SYN2: variants seen among roughly 807,000 people sequenced by gnomAD.
The protein encoded by SYN2 is synapsin II, also known as synapsin-2.
Under a neutral mutation model 50.9 loss-of-function variants are expected in SYN2, and 19 were observed. The observed-to-expected ratio is 0.37, with a 90% CI of 0.26 to 0.55. The LOEUF (loss-of-function observed/expected upper bound fraction) is 0.55, where lower values mean the gene tolerates loss of function less well. SYN2 is among the 20% of genes least tolerant of loss of function. The pLI is 0.81. For synonymous variants in SYN2, 255 were observed against 224.9 expected (o/e 1.13, Z -1.20); for missense variants, 587 against 576.4 (o/e 1.02, Z -0.19).
At chr3:12,006,684 A>G (rs771290379) in intron 1 of SYN2, among the ~76,000 whole-genome samples, 2 of 152,212 alleles carry the variant, frequency 1.3e-5, no homozygotes, top group Non-Finnish European at 2.9e-5. Flanking sequence ...ATTATTAGCA[A>G]TATTAATAAC....
In SYN2 at chr3:12,032,042, C is replaced by T. The variant is rs1245026190; in HGVS notation, c.377+27114C>T. On this transcript the variant is annotated intron_variant, in intron 1 of 12. Transcript: ENST00000621198. ...ACCGGTTGTTCCTTTCCATGTTTAG[C>T]GCTTCCTTGAGGAGCTCTTTTAGGG... Among the ~76,000 whole-genome samples the T allele has an allele frequency of 2.2e-4, 30 of 133,504 alleles. 1 individual carries two copies. The highest frequency in any genetic ancestry group is 3.3e-4 in the Admixed American group (4 of 12,184). 87.6% of individuals were successfully genotyped at this position (133,504 alleles called of 152,430 possible).
chr3:12,119,912 CT>C (rs900312805), intron 1 of SYN2, among the ~76,000 whole-genome samples: 7 of 152,256 alleles, frequency 4.6e-5, no homozygotes, highest in Admixed American at 4.6e-4. Flanking sequence ...TCAATAGCAA[CT>C]TATGGAACCA....
At chr3:12,126,300 C>A (rs1250700970) in intron 1 of SYN2, among the ~76,000 whole-genome samples, 1 of 152,184 alleles carries the variant, frequency 6.6e-6, no homozygotes, top group Non-Finnish European at 1.5e-5. Flanking sequence ...CTACTTTATC[C>A]CTGTTGCCCT....
intron 1 of SYN2, among the ~76,000 whole-genome samples, chr3:12,118,603 A>T (rs1284713197): frequency 6.6e-6 from 1 of 152,206 alleles, no homozygotes; most frequent in Non-Finnish European, 1.5e-5. Context: ...TGTCTGCCCC[A>T]GGACTGTTAA....
intron 1 of SYN2, among the ~76,000 whole-genome samples, chr3:12,098,812 A>G (rs1045310297): frequency 6.7e-6 from 1 of 149,956 alleles, no homozygotes; most frequent in Admixed American, 6.7e-5. Context: ...TACAAGAGTT[A>G]CACATTAAAG....
chr3:12,054,974 T>C (rs1017207275), intron 1 of SYN2, among the ~76,000 whole-genome samples: 1 of 152,166 alleles, frequency 6.6e-6, no homozygotes, highest in Non-Finnish European at 1.5e-5. Context: ...ATAAATTTAA[T>C]ATTGATTGGT....
At chr3:12,070,839 C>T in intron 1 of SYN2, 1 of 592,094 alleles carries the variant, frequency 1.7e-6, no homozygotes. Flanking sequence ...ACAGCTTCAA[C>T]ACCATGGCTG....
chr3:12,043,937 T>G (rs1431785056), intron 1 of SYN2, among the ~76,000 whole-genome samples: 1 of 152,184 alleles, frequency 6.6e-6, no homozygotes, highest in Admixed American at 6.5e-5. Flanking sequence ...TTGTACATAC[T>G]GCATTCTACC....
At chr3:12,099,622 C>T (rs1408867267) in intron 1 of SYN2, among the ~76,000 whole-genome samples, 1 of 151,956 alleles carries the variant, frequency 6.6e-6, no homozygotes, top group Admixed American at 6.6e-5. Context: ...AATAACCTAA[C>T]TCTCCATCTT....
intron 5 of SYN2, chr3:12,154,218 A>G (rs1697385478): frequency 9.4e-6 from 14 of 1,490,422 alleles, no homozygotes; most frequent in Middle Eastern, 1.8e-4. Flanking sequence ...CCAACTTCAT[A>G]CAGTGCAGAT....
chr3:12,129,131 A>C (rs1257087386), intron 1 of SYN2, among the ~76,000 whole-genome samples: 25 of 152,202 alleles, frequency 1.6e-4, no homozygotes, highest in Admixed American at 1.6e-3. Context: ...AGAAATAATG[A>C]ATATTATGAA....
chr3:12,151,382 C>G, intron 5 of SYN2, 56 bp downstream of exon 5: 1 of 1,408,472 alleles, frequency 7.1e-7, no homozygotes, highest in Non-Finnish European at 1.0e-6. Context: ...TGCACTTAGC[C>G]ACCTGGTTAT....
chr3:12,135,899 A>G (rs1170605561), intron 1 of SYN2, among the ~76,000 whole-genome samples: 1 of 152,248 alleles, frequency 6.6e-6, no homozygotes, highest in African/African-American at 2.4e-5. Context: ...TTATATTTGT[A>G]CAGGCCTAGA....
chr3:12,177,691 A>G (rs916792319), intron 10 of SYN2, among the ~76,000 whole-genome samples: 3 of 152,246 alleles, frequency 2.0e-5, no homozygotes, highest in South Asian at 4.1e-4. Flanking sequence ...GGGCAGGTTC[A>G]GATAAAGCCA....
intron 1 of SYN2, among the ~76,000 whole-genome samples, chr3:12,079,026 T>C (rs1695531535): frequency 6.6e-6 from 1 of 152,156 alleles, no homozygotes; most frequent in African/African-American, 2.4e-5. Context: ...TCACTTCCCT[T>C]GTTAGCTGTA....
chr3:12,092,108 GCTTT>G (rs1382267761), intron 1 of SYN2, among the ~76,000 whole-genome samples: 2 of 147,952 alleles, frequency 1.4e-5, no homozygotes, highest in Admixed American at 7.1e-5. Flanking sequence ...ACCCAAATAT[GCTTT>G]CTTTAACTCT....
chr3:12,138,877 A>G (rs1347755185), intron 1 of SYN2, among the ~76,000 whole-genome samples: 1 of 152,240 alleles, frequency 6.6e-6, no homozygotes, highest in Non-Finnish European at 1.5e-5. Context: ...CCTTCTTTTT[A>G]TAGTCATGGA....
chr3:12,107,533 C>G lies in SYN2; in HGVS notation c.378-33118C>G, dbSNP rs180789945. Reference sequence around the variant, plus strand: ...TGTAATTCTCTGCTTAGTTCAGTTGCTAATGGTCATCCGGAGAGGTCATTC... The same window carrying G: ...TGTAATTCTCTGCTTAGTTCAGTTGGTAATGGTCATCCGGAGAGGTCATTC... On this transcript the variant is annotated intron_variant, in intron 1 of 12. Coordinates refer to ENST00000621198, the MANE Select transcript of SYN2 (RefSeq NM_133625.6). 7.9e-5 allele frequency among the ~76,000 whole-genome samples: 12 copies of G among 152,284 alleles called. No individual in the cohort carries two copies. The East Asian group carries it at 2.1e-3, about 27-fold the overall frequency.
chr3:12,121,640 GAAGGT>G (rs575548819), intron 1 of SYN2, among the ~76,000 whole-genome samples: 1 of 148,692 alleles, frequency 6.7e-6, no homozygotes, highest in Non-Finnish European at 1.5e-5. Context: ...GAAAGAAAGG[GAAGGT>G]AAGGGGAAGG....
Sources: gnomAD v4.1 joint callset for allele counts (sites outside exome capture counted in the v4.1 genomes callset) on GRCh38, gnomAD v4.1.1 for gene constraint, MANE v1.5 for transcripts, NCBI Gene and HGNC (gene_info 2026-07-23, HGNC 2026-07-21) for gene names.